ELP3: variants seen among roughly 807,000 people sequenced by gnomAD.
ELP3 encodes elongator acetyltransferase complex subunit 3.
ELP3 carries 56 observed loss-of-function variants against 74.9 expected under a neutral mutation model. That is an observed-to-expected ratio of 0.75 (90% CI 0.60 to 0.93). The LOEUF (loss-of-function observed/expected upper bound fraction) is 0.93. Ranked by LOEUF, ELP3 falls within the 40% of genes least tolerant of loss-of-function variation. ELP3 has a pLI of 0.00. For synonymous variants in ELP3, 222 were observed against 239.8 expected (o/e 0.93, Z 0.68); for missense variants, 573 against 686.5 (o/e 0.83, Z 1.85).
chr8:28,147,766 A>T lies in ELP3; in HGVS notation c.1101-8176A>T, dbSNP rs1163458799. Reference sequence around the variant, plus strand: ...ATTATAGTTTCTAAAGCCACTCTCCACTAAAAGAAATCAGTGCTTAGAAAA... The same window carrying T: ...ATTATAGTTTCTAAAGCCACTCTCCTCTAAAAGAAATCAGTGCTTAGAAAA... On this transcript the variant is annotated intron_variant, in intron 10 of 14. Coordinates refer to ENST00000256398, the MANE Select transcript of ELP3 (RefSeq NM_018091.6). This position sits in a 1 kb window ranked among gnomAD's most constrained non-coding sequence, Gnocchi z 4.5. Among the ~76,000 whole-genome samples the T allele has an allele frequency of 1.3e-5, 2 of 152,124 alleles. No homozygotes were observed. The highest frequency in any genetic ancestry group is 1.5e-5 in the Non-Finnish European group (1 of 68,030).
chr8:28,115,528 C>G (rs1035320289), intron 7 of ELP3, among the ~76,000 whole-genome samples: 34 of 152,118 alleles, frequency 2.2e-4, no homozygotes, highest in African/African-American at 7.7e-4. Flanking sequence ...TACATTTGCT[C>G]TGTATACAGT....
At chr8:28,135,043 C>T (rs941226566) in intron 9 of ELP3, among the ~76,000 whole-genome samples, 2 of 152,116 alleles carry the variant, frequency 1.3e-5, no homozygotes, top group African/African-American at 4.8e-5. Flanking sequence ...ATTCTCCTGC[C>T]TCAGCCTTCT....
chr8:28,161,445 G>A (rs982556439), intron 13 of ELP3, among the ~76,000 whole-genome samples: 4 of 152,058 alleles, frequency 2.6e-5, no homozygotes, highest in African/African-American at 9.6e-5. Flanking sequence ...GTGGCGGCAC[G>A]TGCCTGTAGT....
chr8:28,116,387 G>A (rs895714739), intron 7 of ELP3, among the ~76,000 whole-genome samples: 5 of 152,096 alleles, frequency 3.3e-5, no homozygotes, highest in Admixed American at 1.3e-4. Flanking sequence ...TGATTTCTTC[G>A]TCTTACAGGG....
intron 3 of ELP3, among the ~76,000 whole-genome samples, chr8:28,103,714 G>T (rs980137271): frequency 6.6e-6 from 1 of 152,150 alleles, no homozygotes; most frequent in Non-Finnish European, 1.5e-5. Context: ...TGGAGATGTC[G>T]GTGTTTTGGA....
chr8:28,090,482 GGTGTGTGTGTGT>G (rs34145175), upstream of ELP3: 12 of 160,308 alleles, frequency 7.5e-5, no homozygotes, highest in African/African-American at 2.6e-4. Flanking sequence ...CTGATGGGTG[GGTGTGTGTGTGT>G]GTGTGTGTGT....
intron 1 of ELP3, 199 bp downstream of exon 1, chr8:28,093,432 C>T (rs1811125404): frequency 3.1e-6 from 2 of 640,770 alleles, no homozygotes; most frequent in South Asian, 2.0e-5. Context: ...CCCTACCCTT[C>T]CTCTCTTCCT....
chr8:28,097,905 T>G (rs1811317795), intron 2 of ELP3, among the ~76,000 whole-genome samples: 1 of 152,204 alleles, frequency 6.6e-6, no homozygotes, highest in South Asian at 2.1e-4. Context: ...TTAAATAATT[T>G]GTCCAGGGGT....
chr8:28,101,482 T>C, intron 3 of ELP3, among the ~76,000 whole-genome samples: 1 of 152,192 alleles, frequency 6.6e-6, no homozygotes, highest in Non-Finnish European at 1.5e-5. Context: ...ACCTCCCTTT[T>C]TCTACCCTAG....
intron 10 of ELP3, among the ~76,000 whole-genome samples, chr8:28,140,114 T>TTGTGTGTGTGTGTG (rs56981709): frequency 2.4e-4 from 35 of 143,796 alleles, no homozygotes; most frequent in African/African-American, 8.5e-4. Flanking sequence ...TGTACATATT[T>TTGTGTGTGTGTGTG]TGTGTGTGTG....
intron 14 of ELP3, 44 bp downstream of exon 14, chr8:28,162,122 A>T: frequency 6.3e-7 from 1 of 1,592,124 alleles, no homozygotes; most frequent in Non-Finnish European, 8.6e-7. Context: ...CCCATTTTGA[A>T]CTTGGCACCA....
intron 4 of ELP3, 49 bp downstream of exon 4, chr8:28,106,832 A>G (rs1338857364): frequency 2.1e-6 from 3 of 1,429,932 alleles, no homozygotes; most frequent in Non-Finnish European, 3.0e-6. Flanking sequence ...AATTAAGCTA[A>G]ATATGCCCCC....
intron 10 of ELP3, among the ~76,000 whole-genome samples, chr8:28,142,181 T>C (rs1192701027): frequency 6.6e-6 from 1 of 152,136 alleles, no homozygotes; most frequent in African/African-American, 2.4e-5. Context: ...AAAGGAGTGA[T>C]GACAGGAAGA....
chr8:28,143,236 A>G (rs1813312940), intron 10 of ELP3, among the ~76,000 whole-genome samples: 1 of 150,212 alleles, frequency 6.7e-6, no homozygotes, highest in African/African-American at 2.5e-5. Context: ...TCTGCTGTGT[A>G]GCACCACTCC....
upstream of ELP3, chr8:28,092,941 CA>C: frequency 1.7e-6 from 1 of 596,506 alleles, no homozygotes; most frequent in Non-Finnish European, 3.0e-6. Flanking sequence ...TTTCTAACCC[CA>C]AGATGCCACT....
Position 28,162,057 on chromosome 8 carries a change from G to T in ELP3, c.1546G>T (p.Gly516Trp), listed in dbSNP as rs781543066. The change falls in exon 14 of 15, where the codon GGG becomes TGG. Residue 516 changes from glycine to tryptophan, a missense_variant. By Grantham distance (184) the Gly-to-Trp change is radical. Coordinates refer to ENST00000256398, the MANE Select transcript of ELP3 (RefSeq NM_018091.6). ...AATAGCTAGAGAAGAACATGGGTCT[G>T]GGAAAATCGCTGTGATATCAGGTAA... ...ERIAREEHGS[G>W]KIAVISGVGT... The T allele has an allele frequency of 3.1e-6, 5 of 1,614,154 alleles. No individual in the cohort carries two copies.
chr8:28,096,963 G>A (rs1585626743), intron 1 of ELP3, among the ~76,000 whole-genome samples: 1 of 152,092 alleles, frequency 6.6e-6, no homozygotes, highest in Non-Finnish European at 1.5e-5. Context: ...ATCCTTTCCT[G>A]TATTTATTTT....
intron 13 of ELP3, among the ~76,000 whole-genome samples, chr8:28,161,242 A>G (rs1373023302): frequency 6.6e-6 from 1 of 152,176 alleles, no homozygotes; most frequent in Non-Finnish European, 1.5e-5. Flanking sequence ...GCCAAAATTG[A>G]TTATTTAAGA....
At chr8:28,183,221 G>T in intron 14 of ELP3, 1 of 462,500 alleles carries the variant, frequency 2.2e-6, no homozygotes, top group Admixed American at 2.3e-5. Context: ...CAGAGGCAGA[G>T]GGGAGGCCAC....
Sources: gnomAD v4.1 joint callset for allele counts (sites outside exome capture counted in the v4.1 genomes callset) on GRCh38, gnomAD v4.1.1 for gene constraint, Gnocchi (gnomAD v3.1) non-coding constraint, MANE v1.5 for transcripts, NCBI Gene and HGNC (gene_info 2026-07-23, HGNC 2026-07-21) for gene names.